The following MACROD2 variants were observed in gnomAD, a reference collection of about 807,000 sequenced individuals.
MACROD2 encodes mono-ADP ribosylhydrolase 2.
Under a neutral mutation model 70.4 loss-of-function variants are expected in MACROD2, and 36 were observed. That is an observed-to-expected ratio of 0.51 (90% confidence interval 0.39 to 0.68). MACROD2 has a LOEUF of 0.68. MACROD2 is among the 30% of genes least tolerant of loss of function. The probability of loss-of-function intolerance (pLI) is 0.00; values close to 1 mark genes in which losing one functional copy is unlikely to be tolerated. For synonymous variants in MACROD2, 172 were observed against 178.8 expected, an observed-to-expected ratio of 0.96 and a Z score of 0.30; for missense variants, 496 against 538.4, an observed-to-expected ratio of 0.92 and a Z score of 0.78.
chr20:15,494,054 G>A (rs147699650), intron 7 of MACROD2, among the ~76,000 whole-genome samples: 2 of 152,138 alleles, frequency 1.3e-5, no homozygotes, highest in Non-Finnish European at 2.9e-5. Context: ...GAGAAGACAG[G>A]CAAATCATAA....
rs571639626 is a variant in MACROD2, at chr20:14,945,202, C to G, written c.418+260243C>G. Among the ~76,000 whole-genome samples, 6 of 151,994 alleles carry G rather than the reference C, an allele frequency of 3.9e-5. No individual in the cohort carries two copies. In the East Asian group the frequency reaches 1.2e-3, roughly 29 times the overall value. ...GCCTGATCTTGGCTCACTGCAACCTCTGCCTCCCAGGTTCAAGCGATTCTC... is the reference window on the plus strand; with the variant it reads ...GCCTGATCTTGGCTCACTGCAACCTGTGCCTCCCAGGTTCAAGCGATTCTC... On this transcript the variant is annotated intron_variant, in intron 5 of 17. Transcript: ENST00000684519.
intron 8 of MACROD2, among the ~76,000 whole-genome samples, chr20:15,790,596 C>A (rs2063615284): frequency 6.6e-6 from 1 of 151,672 alleles, no homozygotes; most frequent in African/African-American, 2.4e-5. Context: ...TAAATATTGA[C>A]AAATATAGAT....
At chr20:15,840,832 A>G (rs2064162188) in intron 8 of MACROD2, among the ~76,000 whole-genome samples, 1 of 152,224 alleles carries the variant, frequency 6.6e-6, no homozygotes, top group East Asian at 1.9e-4. Context: ...ACTCCAGAGC[A>G]TGCCAAATGT....
At chr20:15,361,282 A>G (rs915560714) in intron 6 of MACROD2, among the ~76,000 whole-genome samples, 5 of 152,196 alleles carry the variant, frequency 3.3e-5, no homozygotes, top group African/African-American at 7.2e-5. Context: ...TACTTTATCT[A>G]TGGATAGCCA....
intron 2 of MACROD2, among the ~76,000 whole-genome samples, chr20:14,040,090 A>G (rs559412542): frequency 9.9e-5 from 15 of 152,118 alleles, no homozygotes; most frequent in Non-Finnish European, 1.3e-4. Flanking sequence ...TAGCAAATTA[A>G]GTACAGTCGT....
intron 3 of MACROD2, among the ~76,000 whole-genome samples, chr20:14,417,737 C>T (rs2083826198): frequency 6.6e-6 from 1 of 152,142 alleles, no homozygotes; most frequent in Non-Finnish European, 1.5e-5. Flanking sequence ...TGAAGCTGAC[C>T]TGCATTTAAG....
At chr20:14,422,402 A>T (rs920194641) in intron 3 of MACROD2, among the ~76,000 whole-genome samples, 1 of 152,174 alleles carries the variant, frequency 6.6e-6, no homozygotes, top group Admixed American at 6.5e-5. Flanking sequence ...TAATACATTT[A>T]CACTTAAAGT....
chr20:15,955,287 G>A (rs1380648589), intron 12 of MACROD2, among the ~76,000 whole-genome samples: 1 of 152,142 alleles, frequency 6.6e-6, no homozygotes, highest in Non-Finnish European at 1.5e-5. Flanking sequence ...ACACAGTCCT[G>A]ATTATGGAGG....
chr20:15,451,045 A>G (rs1387700931), intron 7 of MACROD2, among the ~76,000 whole-genome samples: 1 of 152,194 alleles, frequency 6.6e-6, no homozygotes. Context: ...AATTTTAAAA[A>G]GGTCGTATCT....
At chr20:15,448,340 G>T (rs537633101) in intron 7 of MACROD2, among the ~76,000 whole-genome samples, 1 of 152,050 alleles carries the variant, frequency 6.6e-6, no homozygotes, top group South Asian at 2.1e-4. Flanking sequence ...GTTAATGGTG[G>T]TTAACAAGCA....
chr20:15,661,280 G>C (rs6110708), intron 8 of MACROD2, among the ~76,000 whole-genome samples: 9,317 of 152,192 alleles, frequency 0.061, 567 homozygotes, highest in East Asian at 0.16. Flanking sequence ...AAAGAGGTTT[G>C]TATGGCTCAC....
chr20:15,766,505 G>A (rs984358405), intron 8 of MACROD2, among the ~76,000 whole-genome samples: 15 of 152,004 alleles, frequency 9.9e-5, no homozygotes, highest in African/African-American at 3.6e-4. Flanking sequence ...GAAGTTAATG[G>A]CGGGCATTAC....
At position 15,586,365 on chromosome 20, in the gene MACROD2, A is replaced by G. The variant is rs530984772; in HGVS notation, c.645+86518A>G. The stretch of plus-strand genomic sequence containing the variant: ...CTGAGAACTGCTGGTGTGAGCCTGC[A>G]TTCACCATAATCTCTTGAAACATGA... On this transcript the variant is annotated intron_variant, in intron 8 of 17. Transcript: ENST00000684519. Among the ~76,000 whole-genome samples the G allele has an allele frequency of 3.3e-5, 5 of 152,326 alleles. No homozygotes were observed. The East Asian group carries it at 5.8e-4, about 18-fold the overall frequency.
intron 5 of MACROD2, among the ~76,000 whole-genome samples, chr20:14,788,730 A>G (rs1600665076): frequency 7.3e-6 from 1 of 137,558 alleles, no homozygotes; most frequent in Non-Finnish European, 1.6e-5. Context: ...TACTTTTTGT[A>G]TTTAAAAAAA....
chr20:14,095,561 A>G (rs2054212458), intron 3 of MACROD2, among the ~76,000 whole-genome samples: 3 of 152,134 alleles, frequency 2.0e-5, no homozygotes, highest in Non-Finnish European at 4.4e-5. Flanking sequence ...TTGTGTTCCT[A>G]GCATCTTTCC....
intron 3 of MACROD2, among the ~76,000 whole-genome samples, chr20:14,202,095 CT>C (rs1429685135): frequency 6.6e-6 from 1 of 151,990 alleles, no homozygotes; most frequent in African/African-American, 2.4e-5. Flanking sequence ...AATAATTCTT[CT>C]TTTCGTCATT....
At chr20:15,711,356 T>G (rs569246640) in intron 8 of MACROD2, among the ~76,000 whole-genome samples, 1 of 152,356 alleles carries the variant, frequency 6.6e-6, no homozygotes, top group African/African-American at 2.4e-5. Context: ...AGAAAGGTGC[T>G]TTGTGCAGGT....
At chr20:15,638,138 A>T (rs1448771707) in intron 8 of MACROD2, among the ~76,000 whole-genome samples, 1 of 152,192 alleles carries the variant, frequency 6.6e-6, no homozygotes, top group East Asian at 1.9e-4. Flanking sequence ...CAAAACAAAC[A>T]CAAGGAATTT....
intron 8 of MACROD2, among the ~76,000 whole-genome samples, chr20:15,813,273 C>T (rs1046567479): frequency 6.6e-5 from 10 of 152,198 alleles, no homozygotes; most frequent in African/African-American, 1.7e-4. Flanking sequence ...GTTGCTTACA[C>T]GTCTTGCTAC....
Sources: gnomAD v4.1 joint callset for allele counts (sites outside exome capture counted in the v4.1 genomes callset) on GRCh38, gnomAD v4.1.1 for gene constraint, MANE v1.5 for transcripts, NCBI Gene and HGNC (gene_info 2026-07-23, HGNC 2026-07-21) for gene names.